CTDSPL: variants seen among roughly 807,000 people sequenced by gnomAD.
CTDSPL encodes the protein CTD small phosphatase like.
Under a neutral mutation model 30.5 loss-of-function variants are expected in CTDSPL, and 8 were observed. The observed-to-expected ratio is 0.26, with a 90% confidence interval of 0.15 to 0.47. The LOEUF is 0.47. CTDSPL is among the 20% of genes least tolerant of loss of function. CTDSPL has a pLI of 0.99. For missense variants in CTDSPL, 248 were observed against 366.1 expected (o/e 0.68, Z 2.63); for synonymous variants, 110 against 137.9 (o/e 0.80, Z 1.42).
At chr3:37,910,237 T>A (rs1199522176) in intron 1 of CTDSPL, among the ~76,000 whole-genome samples, 1 of 152,148 alleles carries the variant, frequency 6.6e-6, no homozygotes, top group Non-Finnish European at 1.5e-5. Context: ...CCCAGCACTT[T>A]GAGAAGCCAA....
chr3:37,890,094 G>A (rs934189793), intron 1 of CTDSPL, among the ~76,000 whole-genome samples: 7 of 152,226 alleles, frequency 4.6e-5, no homozygotes, highest in African/African-American at 1.7e-4. Context: ...GAGAAGCCCA[G>A]TGGTGTAGGC....
intron 1 of CTDSPL, among the ~76,000 whole-genome samples, chr3:37,883,855 T>C (rs1351813285): frequency 1.3e-5 from 2 of 152,224 alleles, no homozygotes; most frequent in African/African-American, 4.8e-5. Context: ...TCATCTCTTT[T>C]CAAAATAATG....
At chr3:37,963,863 G>T (rs563491593) in intron 3 of CTDSPL, among the ~76,000 whole-genome samples, 1 of 151,760 alleles carries the variant, frequency 6.6e-6, no homozygotes, top group African/African-American at 2.4e-5. Context: ...AGAATCCAAG[G>T]GGTAAAAATA....
intron 3 of CTDSPL, among the ~76,000 whole-genome samples, chr3:37,957,828 C>T (rs563792418): frequency 6.6e-6 from 1 of 152,316 alleles, no homozygotes; most frequent in African/African-American, 2.4e-5. Context: ...CCTTCTCTTC[C>T]TCCTGCTCTG....
chr3:37,978,985 A>G lies in CTDSPL; in HGVS notation c.706-1757A>G, dbSNP rs1294472258. ...ACTTCTTTGCTTGTTTTGTTTTTGT[A>G]TCCCTTTCTCTTATGCTGCAACTCT... is the stretch of plus-strand genomic sequence containing the variant. On this transcript the variant is annotated intron_variant, in intron 7 of 7. Transcript: ENST00000273179. Among the ~76,000 whole-genome samples, 3 of 152,168 alleles carry G rather than the reference A, an allele frequency of 2.0e-5. No individual in the cohort carries two copies. In the East Asian group the frequency reaches 5.8e-4, roughly 29 times the overall value.
intron 2 of CTDSPL, among the ~76,000 whole-genome samples, chr3:37,954,045 T>C (rs1253646723): frequency 6.6e-6 from 1 of 152,194 alleles, no homozygotes; most frequent in Non-Finnish European, 1.5e-5. Flanking sequence ...CTTAAGTTCT[T>C]CTGGGACAAA....
intron 1 of CTDSPL, among the ~76,000 whole-genome samples, chr3:37,918,068 A>G (rs1481874853): frequency 1.3e-5 from 2 of 152,166 alleles, no homozygotes; most frequent in African/African-American, 4.8e-5. Context: ...CAAGGAGGAA[A>G]TAGGAAACAT....
Position 37,937,968 on chromosome 3 carries a change from T to C in CTDSPL, c.80-9089T>C, listed in dbSNP as rs1481348967. On this transcript the variant is annotated intron_variant, in intron 1 of 7. Transcript: ENST00000273179. ...CGGCCCCTGTGCCAGCACATTTATA[T>C]TGTGAGAGGCTGGCTCGGCACCATA... 3.3e-5 allele frequency among the ~76,000 whole-genome samples: 5 copies of C among 150,538 alleles called. No individual in the cohort carries two copies. The East Asian group carries it at 9.7e-4, about 29-fold the overall frequency.
intron 1 of CTDSPL, among the ~76,000 whole-genome samples, chr3:37,897,492 A>G (rs1575287438): frequency 6.6e-6 from 1 of 152,302 alleles, no homozygotes; most frequent in East Asian, 1.9e-4. Context: ...GGGACAGTAT[A>G]ATTTCATTTC....
intron 2 of CTDSPL, among the ~76,000 whole-genome samples, chr3:37,954,081 T>C (rs1301464718): frequency 1.3e-5 from 2 of 152,156 alleles, no homozygotes; most frequent in Non-Finnish European, 2.9e-5. Flanking sequence ...GAGACATTTT[T>C]AGAAAGAAAA....
At chr3:37,959,347 G>A (rs1699210549) in intron 3 of CTDSPL, among the ~76,000 whole-genome samples, 1 of 152,140 alleles carries the variant, frequency 6.6e-6, no homozygotes, top group Non-Finnish European at 1.5e-5. Context: ...AACACCTGTG[G>A]GAATACATAC....
intron 1 of CTDSPL, among the ~76,000 whole-genome samples, chr3:37,931,145 C>CTTT (rs35669035): frequency 1.4e-5 from 2 of 139,292 alleles, no homozygotes; most frequent in Non-Finnish European, 3.1e-5. Flanking sequence ...TCCTCTTTGT[C>CTTT]TTTTTTTTTT....
rs1697955893 is a variant in CTDSPL at position 37,862,560 on chromosome 3, T to C, written c.79+282T>C. On this transcript the variant is annotated intron_variant, in intron 1 of 7. Coordinates refer to ENST00000273179, the MANE Select transcript of CTDSPL (RefSeq NM_001008392.2). This position sits in a 1 kb window ranked among gnomAD's most constrained non-coding sequence, Gnocchi z 4.3. Reference sequence around the variant, plus strand: ...TGCGCGCACGCCCGCAGAGAAGTTGTGAGCCTGTGTGTGCACCTAACACAG... The same window carrying C: ...TGCGCGCACGCCCGCAGAGAAGTTGCGAGCCTGTGTGTGCACCTAACACAG... 6.6e-6 allele frequency among the ~76,000 whole-genome samples: 1 copy of C among 152,134 alleles called. No homozygotes were observed. Among genetic ancestry groups the C allele is most frequent in the South Asian group, 2.1e-4 (1 of 4,832 alleles).
chr3:37,907,896 C>T (rs1297698850), intron 1 of CTDSPL, among the ~76,000 whole-genome samples: 1 of 152,158 alleles, frequency 6.6e-6, no homozygotes, highest in Non-Finnish European at 1.5e-5. Context: ...ATACATACAG[C>T]GCATTTGCCT....
At chr3:37,928,167 T>C (rs1420691566) in intron 1 of CTDSPL, among the ~76,000 whole-genome samples, 1 of 152,244 alleles carries the variant, frequency 6.6e-6, no homozygotes, top group Non-Finnish European at 1.5e-5. Context: ...AGTTGTTTAT[T>C]GTAAATAGTG....
chr3:37,973,097 G>C (rs1699385429), intron 6 of CTDSPL, among the ~76,000 whole-genome samples: 1 of 152,228 alleles, frequency 6.6e-6, no homozygotes, highest in Admixed American at 6.5e-5. Flanking sequence ...CCAGGCCTTA[G>C]AGCATGAACC....
chr3:37,936,690 C>A, intron 1 of CTDSPL, among the ~76,000 whole-genome samples: 1 of 141,452 alleles, frequency 7.1e-6, no homozygotes, highest in African/African-American at 2.6e-5. Flanking sequence ...AGGTGTTTAG[C>A]TTATTCCGTA....
chr3:37,947,095 C>T lies in CTDSPL; in HGVS notation c.118C>T (p.Arg40Cys), dbSNP rs767617779. Reference protein sequence around the residue: ...CNVSLKKQRSRSILSSFFCCF... With the variant: ...CNVSLKKQRSCSILSSFFCCF... ...CGTCAGCTTAAAGAAGCAGAGGAGC[C>T]GCAGCATCCTTAGCTCCTTCTTCTG... The change falls in exon 2 of 8, where the codon CGC becomes TGC. Residue 40 changes from arginine to cysteine, a missense_variant. Around this residue, in one of 4 missense-constraint regions of CTDSPL, gnomAD observed 118 missense variants for 124.7 expected, o/e 0.95. Coordinates refer to ENST00000273179, the MANE Select transcript of CTDSPL (RefSeq NM_001008392.2). 6 of 1,613,876 alleles carry T rather than the reference C, an allele frequency of 3.7e-6. No homozygotes were observed. Among genetic ancestry groups the T allele is most frequent in the Non-Finnish European group, 5.1e-6 (6 of 1,179,978 alleles).
rs535927773 is a variant in CTDSPL at position 37,949,954 on chromosome 3, C to T, written c.234+2743C>T. Among the ~76,000 whole-genome samples, 28 of 152,340 alleles carry T rather than the reference C, an allele frequency of 1.8e-4. No individual in the cohort carries two copies. The South Asian group carries it at 5.4e-3, about 29-fold the overall frequency. ...AACCGCCAACAGAGGAAAATGCTTACGTGTCCCTGAGTCCTTGGACAAACA... is the reference window on the plus strand; with the variant it reads ...AACCGCCAACAGAGGAAAATGCTTATGTGTCCCTGAGTCCTTGGACAAACA... On this transcript the variant is annotated intron_variant, in intron 2 of 7. Transcript: ENST00000273179.
Sources: gnomAD v4.1 joint callset for allele counts (sites outside exome capture counted in the v4.1 genomes callset) on GRCh38, gnomAD v4.1.1 for gene constraint, gnomAD v4.1.1 regional missense constraint, Gnocchi (gnomAD v3.1) non-coding constraint, MANE v1.5 for transcripts, NCBI Gene and HGNC (gene_info 2026-07-23, HGNC 2026-07-21) for gene names.